Variants in PIGN observed in about 807,000 individuals in gnomAD.
The protein encoded by PIGN is GPI ethanolamine phosphate transferase 1.
In PIGN, 117 loss-of-function variants were observed where a neutral mutation model predicts 125.4. That is an observed-to-expected ratio of 0.93 (90% CI 0.80 to 1.09). PIGN has a LOEUF of 1.09. Among genes scored for constraint, PIGN ranks in the 50% least tolerant of loss-of-function variants. The pLI, the probability that PIGN is intolerant of heterozygous loss-of-function variation, is 0.00. For missense variants in PIGN, 1,075 were observed against 1,094.9 expected (o/e 0.98, Z 0.26); for synonymous variants, 392 against 377.8 (o/e 1.04, Z -0.44).
At chr18:62,113,742 C>G (rs1301463720) in intron 15 of PIGN, among the ~76,000 whole-genome samples, 1 of 151,918 alleles carries the variant, frequency 6.6e-6, no homozygotes, top group African/African-American at 2.4e-5. Flanking sequence ...AGAAGAATAG[C>G]TTATCATTTT....
At chr18:62,067,594 T>A (rs944748850) in intron 30 of PIGN, among the ~76,000 whole-genome samples, 1 of 152,240 alleles carries the variant, frequency 6.6e-6, no homozygotes, top group Non-Finnish European at 1.5e-5. Context: ...CTTACATATC[T>A]GGTTTCTTTA....
chr18:62,038,197 C>T (rs2030285322), downstream of PIGN, among the ~76,000 whole-genome samples: 1 of 151,936 alleles, frequency 6.6e-6, no homozygotes, highest in Non-Finnish European at 1.5e-5. Context: ...TAAATTCCAA[C>T]TTAGCAGAAG....
In PIGN at chr18:62,044,641, T is replaced by C. The variant is rs1268454057; in HGVS notation, c.*1215A>G. On this transcript the variant is annotated 3_prime_UTR_variant, in exon 31 of 31. Coordinates refer to ENST00000640252, the MANE Select transcript of PIGN (RefSeq NM_176787.5). ...ATTTCTGACTTTTAAATTGTATTTATTCACTCCCCACCAATTTGAAAAATC... is the reference window on the plus strand; with the variant it reads ...ATTTCTGACTTTTAAATTGTATTTACTCACTCCCCACCAATTTGAAAAATC... 1.3e-5 allele frequency: 2 copies of C among 152,216 alleles called. No individual in the cohort carries two copies. Among genetic ancestry groups the C allele is most frequent in the African/African-American group, 2.4e-5 (1 of 41,460 alleles). 9.4% of individuals were successfully genotyped at this position (152,216 alleles called of 1,614,324 possible). A position where few individuals can be genotyped will look rare whatever the true frequency, so the allele number is the denominator to read the frequency against.
At chr18:62,038,919 AAATAATAATAATAATAAT>A (rs10601031), downstream of PIGN, among the ~76,000 whole-genome samples, 154 of 144,754 alleles carry the variant, frequency 1.1e-3, no homozygotes, top group African/African-American at 2.5e-3. Context: ...CCCTGTCTCA[AAATAATAATAATAATAAT>A]AATAATAATA....
intron 4 of PIGN, among the ~76,000 whole-genome samples, chr18:62,159,572 T>A (rs1343096126): frequency 6.6e-6 from 1 of 152,224 alleles, no homozygotes; most frequent in African/African-American, 2.4e-5. Flanking sequence ...GGTTTGATCT[T>A]ATTTTCCCAC....
chr18:62,035,823 AG>A (rs1368560114), intron 23 of PIGN, among the ~76,000 whole-genome samples: 1 of 152,140 alleles, frequency 6.6e-6, no homozygotes, highest in Non-Finnish European at 1.5e-5. Context: ...AATTTCATCA[AG>A]TATGTCAGGA....
intron 30 of PIGN, chr18:62,052,770 G>A (rs566734034): frequency 6.5e-5 from 12 of 184,988 alleles, no homozygotes; most frequent in East Asian, 4.9e-4. Context: ...TATTTTGCTC[G>A]TTAGTTGATG....
At chr18:62,100,052 T>C (rs2034373867) in intron 22 of PIGN, among the ~76,000 whole-genome samples, 1 of 152,024 alleles carries the variant, frequency 6.6e-6, no homozygotes, top group South Asian at 2.1e-4. Flanking sequence ...GAGAAAATAT[T>C]TGCAAACTAC....
rs553430809 is a variant in PIGN at position 62,042,018 on chromosome 18, T to C, written c.*3838A>G. On this transcript the variant is annotated 3_prime_UTR_variant, in exon 31 of 31. Transcript: ENST00000640252. ...TTTGACTAGATGTTTCTCAAATATATTTAATTAAGAAACTCTTTTCAGCTG... is the reference window on the plus strand; with the variant it reads ...TTTGACTAGATGTTTCTCAAATATACTTAATTAAGAAACTCTTTTCAGCTG... 1.3e-5 allele frequency: 2 copies of C among 152,262 alleles called. No individual in the cohort carries two copies. Among genetic ancestry groups the C allele is most frequent in the South Asian group, 4.1e-4 (2 of 4,826 alleles). The allele number at this position is 152,262 out of a possible 1,614,324, so 9.4% of individuals were successfully genotyped here. A position where few individuals can be genotyped will look rare whatever the true frequency, so the allele number is the denominator to read the frequency against.
chr18:62,056,458 T>C (rs2031733338), intron 30 of PIGN, among the ~76,000 whole-genome samples: 1 of 152,062 alleles, frequency 6.6e-6, no homozygotes, highest in African/African-American at 2.4e-5. Flanking sequence ...ATTTGTGTCC[T>C]TTCTCCTCTC....
intron 17 of PIGN, chr18:62,107,386 C>T (rs551116005): frequency 7.3e-6 from 2 of 273,728 alleles, no homozygotes; most frequent in African/African-American, 4.5e-5. Flanking sequence ...CCTGAGGTCA[C>T]AAGTTTGAGA....
At chr18:62,047,971 TC>T (rs1268466578) in intron 30 of PIGN, among the ~76,000 whole-genome samples, 1 of 151,296 alleles carries the variant, frequency 6.6e-6, no homozygotes, top group African/African-American at 2.4e-5. Flanking sequence ...AAACAGAAAA[TC>T]TGAGCTAAGA....
downstream of PIGN, among the ~76,000 whole-genome samples, chr18:62,040,899 C>T (rs953631278): frequency 6.6e-6 from 1 of 152,150 alleles, no homozygotes; most frequent in African/African-American, 2.4e-5. Flanking sequence ...GTAAAAACAA[C>T]TTTAAAAAAT....
chr18:62,073,780 G>A (rs2033023092), intron 29 of PIGN, among the ~76,000 whole-genome samples: 1 of 152,124 alleles, frequency 6.6e-6, no homozygotes, highest in Non-Finnish European at 1.5e-5. Flanking sequence ...ATGTTATATG[G>A]TGACAAATTA....
chr18:62,037,417 G>A (rs1375493445), downstream of PIGN, among the ~76,000 whole-genome samples: 3 of 152,246 alleles, frequency 2.0e-5, no homozygotes, highest in East Asian at 1.9e-4. Context: ...CTGTCCACAT[G>A]AAAGCCCCTC....
chr18:62,068,833 A>T (rs772582727), intron 30 of PIGN, among the ~76,000 whole-genome samples: 11 of 152,108 alleles, frequency 7.2e-5, no homozygotes, highest in Non-Finnish European at 1.2e-4. Context: ...AGTTCTTGTG[A>T]CCCAATGTAC....
At chr18:62,117,551 C>A (rs1308924972) in intron 14 of PIGN, among the ~76,000 whole-genome samples, 2 of 145,380 alleles carry the variant, frequency 1.4e-5, no homozygotes, top group Non-Finnish European at 3.2e-5. Flanking sequence ...TCAGCCCCCC[C>A]CTCTAAAAAG....
At chr18:62,151,398 TTCTC>T in intron 7 of PIGN, among the ~76,000 whole-genome samples, 1 of 152,204 alleles carries the variant, frequency 6.6e-6, no homozygotes, top group Non-Finnish European at 1.5e-5. Flanking sequence ...GAGATGCAAC[TTCTC>T]AGGTATGTGC....
At chr18:62,116,043 T>C (rs2035075184) in intron 14 of PIGN, among the ~76,000 whole-genome samples, 1 of 152,152 alleles carries the variant, frequency 6.6e-6, no homozygotes, top group African/African-American at 2.4e-5. Context: ...TGTTGCAGAC[T>C]GCAGGAAAAT....
Sources: allele counts gnomAD v4.1 joint callset (sites outside exome capture counted in the v4.1 genomes callset), GRCh38; gene constraint gnomAD v4.1.1; transcripts MANE v1.5; gene names NCBI Gene and HGNC (gene_info 2026-07-23, HGNC 2026-07-21).